DGKG: variants seen among roughly 807,000 people sequenced by gnomAD.
DGKG encodes diacylglycerol kinase gamma.
DGKG carries 78 observed loss-of-function variants against 105.3 expected under a neutral mutation model. The observed-to-expected ratio is 0.74, with a 90% CI of 0.62 to 0.89. The LOEUF is 0.89. DGKG is among the 40% of genes least tolerant of loss of function. DGKG has a pLI of 0.00. For synonymous variants in DGKG, 346 were observed against 367.1 expected (o/e 0.94, Z 0.66); for missense variants, 958 against 1,020.1 (o/e 0.94, Z 0.83).
chr3:186,179,068 G>A (rs1349163777), intron 22 of DGKG, among the ~76,000 whole-genome samples: 1 of 152,170 alleles, frequency 6.6e-6, no homozygotes, highest in Non-Finnish European at 1.5e-5. Flanking sequence ...TGCTTCAGTA[G>A]GCCTGCAGTG....
intron 20 of DGKG, among the ~76,000 whole-genome samples, chr3:186,225,399 A>T (rs1719810007): frequency 6.6e-6 from 1 of 152,190 alleles, no homozygotes; most frequent in Admixed American, 6.5e-5. Flanking sequence ...GACCAAGGTC[A>T]AGCAAGAAAA....
intron 22 of DGKG, among the ~76,000 whole-genome samples, chr3:186,183,651 G>C (rs576563164): frequency 2.6e-5 from 4 of 152,048 alleles, no homozygotes; most frequent in South Asian, 2.1e-4. Context: ...TACGACAAAG[G>C]CTGGGCTAGA....
chr3:186,306,604 GTTTGTTCTAT>G, intron 3 of DGKG: 1 of 325,796 alleles, frequency 3.1e-6, no homozygotes, highest in Non-Finnish European at 5.7e-6. Context: ...GATCTGTTCT[GTTTGTTCTAT>G]TTTTTCAGTG....
intron 24 of DGKG, chr3:186,160,998 T>C (rs1245290201): frequency 1.0e-6 from 1 of 985,410 alleles, no homozygotes; most frequent in African/African-American, 1.7e-5. Flanking sequence ...GGCACTGTTC[T>C]ACGTTCTGGG....
In DGKG at chr3:186,302,460, CTATA is replaced by C. The variant is rs58937810; in HGVS notation, c.145-4235_145-4232del. Reference sequence around the variant, plus strand: ...AGATTGGAAAAAGGGGGGAAATGTGCTATATATATATATATATATATATATATAT... The same window carrying C: ...AGATTGGAAAAAGGGGGGAAATGTGCTATATATATATATATATATATATAT... On this transcript the variant is annotated intron_variant, in intron 3 of 24. Transcript: ENST00000265022. Among the ~76,000 whole-genome samples, 387 of 48,424 alleles carry C rather than the reference CTATA, an allele frequency of 8.0e-3. 1 individual carries two copies. The highest frequency in any genetic ancestry group is 0.052 in the East Asian group (68 of 1,298). The allele number at this position is 48,424 out of a possible 152,430, so 31.8% of individuals were successfully genotyped here. A position where few individuals can be genotyped will look rare whatever the true frequency, so the allele number is the denominator to read the frequency against.
intron 19 of DGKG, among the ~76,000 whole-genome samples, chr3:186,244,100 T>C (rs2108554344): frequency 6.6e-6 from 1 of 152,214 alleles, no homozygotes; most frequent in African/African-American, 2.4e-5. Flanking sequence ...CTTCGCCATG[T>C]TGGCCAGGCT....
chr3:186,217,736 G>A (rs1056729327), intron 20 of DGKG, among the ~76,000 whole-genome samples: 1 of 152,250 alleles, frequency 6.6e-6, no homozygotes, highest in African/African-American at 2.4e-5. Context: ...TTTACCAGCA[G>A]AGGCTACGCA....
In DGKG at chr3:186,203,908, T is replaced by G. The variant is rs749606932; in HGVS notation, c.1917+7887A>C. On this transcript the variant is annotated intron_variant, in intron 21 of 24. Coordinates refer to ENST00000265022, the MANE Select transcript of DGKG (RefSeq NM_001346.3). This position sits in a 1 kb window ranked among gnomAD's most constrained non-coding sequence, Gnocchi z 4.9. ...CTACCTGTGGTAGCTGAGAAGAAGG[T>G]TCAGATCATATCAGGAGAGACCAAG... Among the ~76,000 whole-genome samples the G allele has an allele frequency of 1.3e-5, 2 of 152,108 alleles. No homozygotes were observed. Among genetic ancestry groups the G allele is most frequent in the Non-Finnish European group, 2.9e-5 (2 of 68,018 alleles).
At chr3:186,168,837 G>A (rs1406572114) in intron 22 of DGKG, among the ~76,000 whole-genome samples, 1 of 152,104 alleles carries the variant, frequency 6.6e-6, no homozygotes, top group East Asian at 1.9e-4. Flanking sequence ...GTGACAGAGT[G>A]AGACTCTGTC....
chr3:186,306,229 CT>C (rs1560145821), intron 3 of DGKG, among the ~76,000 whole-genome samples: 1 of 152,078 alleles, frequency 6.6e-6, no homozygotes, highest in Non-Finnish European at 1.5e-5. Flanking sequence ...TACAGTTTCG[CT>C]GTAAAACACA....
At chr3:186,253,301 C>T (rs1259540199) in intron 17 of DGKG, 119 bp from the exon 18 acceptor site, 1 of 761,172 alleles carries the variant, frequency 1.3e-6, no homozygotes, top group African/African-American at 1.7e-5. Flanking sequence ...GTTTGAATAC[C>T]ACCCTGATGG....
intron 24 of DGKG, chr3:186,158,775 T>A (rs1314444623): frequency 1.1e-6 from 1 of 935,122 alleles, no homozygotes; most frequent in African/African-American, 1.8e-5. Context: ...GTATTGATAG[T>A]TTTTTATATA....
chr3:186,204,188 C>A (rs1225027416), intron 21 of DGKG, among the ~76,000 whole-genome samples: 1 of 152,152 alleles, frequency 6.6e-6, no homozygotes, highest in African/African-American at 2.4e-5. Context: ...GCAGGTAGAT[C>A]TATTGAGGTC....
chr3:186,280,857 A>G (rs1439590194), intron 7 of DGKG, 113 bp from the exon 8 acceptor site: 95 of 816,844 alleles, frequency 1.2e-4, no homozygotes, highest in Non-Finnish European at 6.9e-5. Flanking sequence ...GGGCAAGAGA[A>G]GAAGCTGGTG....
intron 21 of DGKG, 93 bp from the exon 22 acceptor site, chr3:186,188,472 A>G: frequency 9.6e-7 from 1 of 1,042,896 alleles, no homozygotes; most frequent in African/African-American, 1.5e-5. Context: ...GTGTGTGTGT[A>G]CTCTCTTAAA....
intron 20 of DGKG, among the ~76,000 whole-genome samples, chr3:186,221,420 C>T (rs1344365063): frequency 6.6e-6 from 1 of 152,136 alleles, no homozygotes; most frequent in African/African-American, 2.4e-5. Flanking sequence ...AAGAGTTATT[C>T]GTGGAAAGAA....
At chr3:186,351,239 C>T (rs1726616722) in intron 1 of DGKG, among the ~76,000 whole-genome samples, 1 of 152,100 alleles carries the variant, frequency 6.6e-6, no homozygotes, top group Non-Finnish European at 1.5e-5. Context: ...GTGTCCTTTG[C>T]TAGTTGTCAG....
chr3:186,179,025 G>A (rs1204506053), intron 22 of DGKG, among the ~76,000 whole-genome samples: 2 of 152,196 alleles, frequency 1.3e-5, no homozygotes, highest in Non-Finnish European at 2.9e-5. Flanking sequence ...GCGTATGTGC[G>A]ATCACCAGCA....
At chr3:186,193,178 A>G (rs1246597772) in intron 21 of DGKG, among the ~76,000 whole-genome samples, 2 of 152,154 alleles carry the variant, frequency 1.3e-5, no homozygotes, top group Non-Finnish European at 2.9e-5. Context: ...GAATGCACCT[A>G]CTTGGAAAGT....
Sources: allele counts gnomAD v4.1 joint callset (sites outside exome capture counted in the v4.1 genomes callset), GRCh38; gene constraint gnomAD v4.1.1; non-coding constraint Gnocchi (gnomAD v3.1); transcripts MANE v1.5; gene names NCBI Gene and HGNC (gene_info 2026-07-23, HGNC 2026-07-21).